SELENOI: variants seen among roughly 807,000 people sequenced by gnomAD.
SELENOI encodes ethanolaminephosphotransferase 1.
Under a neutral mutation model 50.7 loss-of-function variants are expected in SELENOI, and 24 were observed. The ratio of observed to expected loss-of-function variants is 0.47; its 90% CI spans 0.34 to 0.67. The LOEUF is 0.67. Among genes scored for constraint, SELENOI ranks in the 30% least tolerant of loss-of-function variants. The pLI, the probability that SELENOI is intolerant of heterozygous loss-of-function variation, is 0.01. For synonymous variants in SELENOI, 155 were observed against 170.2 expected, an observed-to-expected ratio of 0.91 and a Z score of 0.70; for missense variants, 352 against 461.4, an observed-to-expected ratio of 0.76 and a Z score of 2.17.
rs933416874 is a variant in SELENOI, at chr2:26,389,669, T to G, written c.*566T>G. 6.5e-6 allele frequency: 1 copy of G among 153,164 alleles called. No homozygotes were observed. The highest frequency in any genetic ancestry group is 6.5e-5 in the Admixed American group (1 of 15,360). The allele number at this position is 153,164 out of a possible 1,614,324, so 9.5% of individuals were successfully genotyped here. On this transcript the variant is annotated 3_prime_UTR_variant, in exon 10 of 10. Transcript: ENST00000260585. ...CAAATGATAAGAGAGCTAATACATT[T>G]AGCTAATATTCTAGCTCTCTTTATT...
intron 4 of SELENOI, 146 bp from the exon 5 acceptor site, chr2:26,373,221 A>G (rs991086067): frequency 2.0e-6 from 2 of 988,182 alleles, no homozygotes; most frequent in Non-Finnish European, 1.5e-6. Context: ...TTAAATAATT[A>G]GATTTTTATA....
chr2:26,367,294 A>G lies in SELENOI; in HGVS notation c.310+74A>G, dbSNP rs1209999082. On this transcript the variant is annotated intron_variant, in intron 4 of 9. Transcript: ENST00000260585. The stretch of plus-strand genomic sequence containing the variant: ...AAGGATAGCCACGTATTAAAATAAC[A>G]TTTTCTCCTGTGCTTAATTCATTTT... 7.8e-6 allele frequency: 9 copies of G among 1,146,652 alleles called. No homozygotes were observed. In the East Asian group the frequency reaches 2.1e-4, roughly 27 times the overall value. 71.0% of individuals were successfully genotyped at this position (1,146,652 alleles called of 1,614,324 possible).
chr2:26,361,567 T>C (rs1677179530), intron 1 of SELENOI, among the ~76,000 whole-genome samples: 2 of 152,216 alleles, frequency 1.3e-5, no homozygotes, highest in Non-Finnish European at 2.9e-5. Flanking sequence ...GCTGTACTAA[T>C]ATAAGTGGGC....
At chr2:26,381,579 CCAA>C (rs1379531840) in intron 6 of SELENOI, among the ~76,000 whole-genome samples, 1 of 152,120 alleles carries the variant, frequency 6.6e-6, no homozygotes, top group Non-Finnish European at 1.5e-5. Flanking sequence ...CAGCCTATTT[CCAA>C]CACCTCAGAG....
intron 1 of SELENOI, among the ~76,000 whole-genome samples, chr2:26,354,814 T>C (rs1240852666): frequency 6.6e-6 from 1 of 152,218 alleles, no homozygotes; most frequent in Admixed American, 6.5e-5. Context: ...CCTGATTTTG[T>C]TTACTCTTTC....
At chr2:26,364,275 T>A in intron 1 of SELENOI, 27 bp from the exon 2 acceptor site, 2 of 1,483,000 alleles carry the variant, frequency 1.3e-6, no homozygotes, top group Non-Finnish European at 1.8e-6. Flanking sequence ...GGATTTACTC[T>A]GAATATTTTC....
intron 4 of SELENOI, among the ~76,000 whole-genome samples, chr2:26,369,818 A>G (rs7602868): frequency 0.027 from 4,094 of 152,284 alleles, 151 homozygotes; most frequent in African/African-American, 0.086. Flanking sequence ...TTTTCTGAAC[A>G]TGCATTGTGC....
intron 8 of SELENOI, among the ~76,000 whole-genome samples, chr2:26,385,912 A>G (rs545727734): frequency 6.6e-6 from 1 of 152,360 alleles, no homozygotes; most frequent in South Asian, 2.1e-4. Context: ...TAAAGGAGCC[A>G]AAGAGGTTTT....
At chr2:26,364,777 C>A in intron 2 of SELENOI, 55 bp from the exon 3 acceptor site, 1 of 1,265,666 alleles carries the variant, frequency 7.9e-7, no homozygotes, top group Non-Finnish European at 1.1e-6. Flanking sequence ...TTGTAGTATA[C>A]ATTGGACAGA....
chr2:26,354,953 G>A (rs1413211429), intron 1 of SELENOI, among the ~76,000 whole-genome samples: 1 of 152,152 alleles, frequency 6.6e-6, no homozygotes, highest in East Asian at 1.9e-4. Flanking sequence ...TAAATAATTA[G>A]CTTTTGGACT....
intron 4 of SELENOI, among the ~76,000 whole-genome samples, chr2:26,370,925 G>A (rs559006031): frequency 7.6e-5 from 7 of 92,010 alleles, no homozygotes; most frequent in African/African-American, 1.8e-4. Flanking sequence ...GGCCGGGCGG[G>A]GGGCTGACCC....
Position 26,391,967 on chromosome 2 carries a change from C to T in SELENOI, c.*2864C>T, listed in dbSNP as rs1410610547. Reference sequence around the variant, plus strand: ...TTAAGGGTAACAGAGTGAATACCTTCCAAATAAAAAGCTAAATATTCCTCC... The same window carrying T: ...TTAAGGGTAACAGAGTGAATACCTTTCAAATAAAAAGCTAAATATTCCTCC... On this transcript the variant is annotated 3_prime_UTR_variant, in exon 10 of 10. Coordinates refer to ENST00000260585, the MANE Select transcript of SELENOI (RefSeq NM_033505.4). The T allele has an allele frequency of 2.6e-5, 4 of 152,166 alleles. No homozygotes were observed. The highest frequency in any genetic ancestry group is 9.7e-5 in the African/African-American group (4 of 41,444). 9.4% of individuals were successfully genotyped at this position (152,166 alleles called of 1,614,324 possible).
Position 26,375,094 on chromosome 2 carries a change from G to A in SELENOI, c.628G>A (p.Glu210Lys), listed in dbSNP as rs763011351. 2.4e-5 allele frequency: 38 copies of A among 1,613,460 alleles called. No individual in the cohort carries two copies. The South Asian group carries it at 4.2e-4, about 18-fold the overall frequency. ...AGTTGTGGGAGTTGAGGCCTGGTATGAACCTTTCCTGTTTAATTTCTTATA... is the reference window on the plus strand; with the variant it reads ...AGTTGTGGGAGTTGAGGCCTGGTATAAACCTTTCCTGTTTAATTTCTTATA... ...TAVVGVEAWY[E>K]PFLFNFLYRD... The change falls in exon 6 of 10, where the codon GAA (glutamate) becomes AAA (lysine). Residue 210 changes from glutamate (E) to lysine (K), a missense_variant. Coordinates refer to ENST00000260585, the MANE Select transcript of SELENOI (RefSeq NM_033505.4).
At chr2:26,353,294 G>C (rs2147944060) in intron 1 of SELENOI, among the ~76,000 whole-genome samples, 1 of 152,228 alleles carries the variant, frequency 6.6e-6, no homozygotes, top group African/African-American at 2.4e-5. Flanking sequence ...TTATGGACTT[G>C]GAATTAAAAC....
chr2:26,354,409 G>A (rs1470221176), intron 1 of SELENOI, among the ~76,000 whole-genome samples: 4 of 151,692 alleles, frequency 2.6e-5, no homozygotes, highest in Admixed American at 2.0e-4. Flanking sequence ...TTGTTTTTTC[G>A]AGACTCTCGC....
intron 7 of SELENOI, among the ~76,000 whole-genome samples, 163 bp downstream of exon 7, chr2:26,383,510 G>C (rs1677753342): frequency 6.6e-6 from 1 of 152,112 alleles, no homozygotes; most frequent in African/African-American, 2.4e-5. Context: ...GGGTGTCGAT[G>C]GTGGCTAATG....
At chr2:26,385,207 A>T (rs1677813974) in intron 8 of SELENOI, 68 bp downstream of exon 8, 2 of 964,166 alleles carry the variant, frequency 2.1e-6, no homozygotes, top group Non-Finnish European at 2.8e-6. Flanking sequence ...GATAATTTGA[A>T]AAATCTTTAA....
chr2:26,364,346 T>C lies in SELENOI; in HGVS notation c.102T>C (p.His34=). Reference sequence around the variant, plus strand: ...ATCCACTTTCTCTGTATGTCATGCATCCATTCTGGAACACTATAGTAAAGG... The same window carrying C: ...ATCCACTTTCTCTGTATGTCATGCACCCATTCTGGAACACTATAGTAAAGG... The part of the protein sequence containing the change: ...DTNPLSLYVM[H]PFWNTIVKVF... The change falls in exon 2 of 10, where the codon CAT becomes CAC. Residue 34 remains histidine (H), a synonymous_variant. Coordinates refer to ENST00000260585, the MANE Select transcript of SELENOI (RefSeq NM_033505.4). 5.1e-6 allele frequency: 8 copies of C among 1,560,158 alleles called. No homozygotes were observed. Among genetic ancestry groups the C allele is most frequent in the Non-Finnish European group, 7.0e-6 (8 of 1,149,126 alleles).
chr2:26,385,211 T>G (rs967829799), intron 8 of SELENOI, 72 bp downstream of exon 8: 6 of 929,252 alleles, frequency 6.5e-6, no homozygotes, highest in Non-Finnish European at 7.3e-6. Context: ...ATTTGAAAAA[T>G]CTTTAATATT....
Sources: allele counts gnomAD v4.1 joint callset (sites outside exome capture counted in the v4.1 genomes callset), GRCh38; gene constraint gnomAD v4.1.1; transcripts MANE v1.5; gene names NCBI Gene and HGNC (gene_info 2026-07-23, HGNC 2026-07-21).